Variants in RBMS1 observed in about 807,000 individuals in gnomAD.
RBMS1 encodes RNA binding motif single stranded interacting protein 1.
Under a neutral mutation model 62.3 loss-of-function variants are expected in RBMS1, and 17 were observed. That is an observed-to-expected ratio of 0.27 (90% CI 0.19 to 0.41). RBMS1 has a LOEUF of 0.41. Ranked by LOEUF, RBMS1 falls within the 10% of genes least tolerant of loss-of-function variation. RBMS1 has a pLI of 1.00. For synonymous variants in RBMS1, 172 were observed against 170.0 expected (o/e 1.01, Z -0.09); for missense variants, 334 against 504.5 (o/e 0.66, Z 3.24).
At chr2:160,283,867 A>ACTG (rs1553500562) in intron 9 of RBMS1, 1 of 152,216 alleles carries the variant, frequency 6.6e-6, no homozygotes, top group Non-Finnish European at 1.5e-5. Flanking sequence ...AGATGAGGAA[A>ACTG]CTGAGGCTTA....
At chr2:160,468,612 T>C (rs554821526) in intron 1 of RBMS1, among the ~76,000 whole-genome samples, 3 of 152,326 alleles carry the variant, frequency 2.0e-5, no homozygotes, top group Admixed American at 6.5e-5. Context: ...GTACAGTATG[T>C]GGGACAGGTA....
In RBMS1 at chr2:160,274,519, G is replaced by GT. The variant is rs1559299128; in HGVS notation, c.*252dup. 3.1e-5 allele frequency: 3 copies of GT among 96,372 alleles called. No individual in the cohort carries two copies. Among genetic ancestry groups the GT allele is most frequent in the Non-Finnish European group, 4.4e-5 (2 of 45,390 alleles). 6.0% of individuals were successfully genotyped at this position (96,372 alleles called of 1,614,324 possible). Reference sequence around the variant, plus strand: ...CATTTGATAAAAATCTTTTGTTTTTGTTTTTTGTTTTTTTTTTTTTACTAA... The same window carrying GT: ...CATTTGATAAAAATCTTTTGTTTTTGTTTTTTTGTTTTTTTTTTTTTACTAA... On this transcript the variant is annotated 3_prime_UTR_variant, in exon 14 of 14. Coordinates refer to ENST00000348849, the MANE Select transcript of RBMS1 (RefSeq NM_016836.4).
At chr2:160,407,023 G>A (rs1259887714) in intron 1 of RBMS1, among the ~76,000 whole-genome samples, 2 of 149,546 alleles carry the variant, frequency 1.3e-5, no homozygotes, top group Non-Finnish European at 3.0e-5. Context: ...GACACACACA[G>A]AGACACAGAC....
At chr2:160,323,821 A>C (rs1573859470) in intron 2 of RBMS1, among the ~76,000 whole-genome samples, 1 of 152,274 alleles carries the variant, frequency 6.6e-6, no homozygotes, top group Admixed American at 6.5e-5. Context: ...TCAAAGGGAG[A>C]GGATAACAGG....
intron 6 of RBMS1, among the ~76,000 whole-genome samples, chr2:160,295,548 T>C (rs1197271229): frequency 6.6e-6 from 1 of 152,232 alleles, no homozygotes; most frequent in African/African-American, 2.4e-5. Context: ...GCTCCATTTG[T>C]AACTTGGCAC....
intron 6 of RBMS1, among the ~76,000 whole-genome samples, chr2:160,288,080 G>A (rs1328167063): frequency 2.0e-5 from 3 of 150,728 alleles, no homozygotes; most frequent in African/African-American, 7.3e-5. Context: ...GCACAATAGG[G>A]CACCAGTAAC....
chr2:160,379,585 T>C (rs1395750323), intron 1 of RBMS1, among the ~76,000 whole-genome samples: 1 of 152,244 alleles, frequency 6.6e-6, no homozygotes, highest in Non-Finnish European at 1.5e-5. Context: ...AACGTCATTC[T>C]GTGGTAAGCA....
intron 2 of RBMS1, among the ~76,000 whole-genome samples, chr2:160,350,967 C>T (rs915185455): frequency 3.3e-5 from 5 of 152,082 alleles, no homozygotes; most frequent in Non-Finnish European, 5.9e-5. Flanking sequence ...TACAGTCCCA[C>T]CAACAGTGTA....
chr2:160,337,398 T>C (rs1257479641), intron 2 of RBMS1, among the ~76,000 whole-genome samples: 1 of 152,154 alleles, frequency 6.6e-6, no homozygotes, highest in Non-Finnish European at 1.5e-5. Flanking sequence ...CCTCCCAAAG[T>C]GCTGGGATTA....
chr2:160,375,459 A>G (rs981603753), intron 1 of RBMS1, among the ~76,000 whole-genome samples: 7 of 152,252 alleles, frequency 4.6e-5, no homozygotes, highest in Non-Finnish European at 1.0e-4. Flanking sequence ...TCCTGAAACC[A>G]GAGTATCCTT....
intron 1 of RBMS1, among the ~76,000 whole-genome samples, chr2:160,398,591 G>T (rs1345309557): frequency 2.0e-5 from 3 of 152,106 alleles, no homozygotes; most frequent in Non-Finnish European, 2.9e-5. Context: ...GACACTGCAG[G>T]ATATTAAGTA....
chr2:160,401,310 G>C (rs757812496), intron 1 of RBMS1, among the ~76,000 whole-genome samples: 1 of 152,186 alleles, frequency 6.6e-6, no homozygotes, highest in Non-Finnish European at 1.5e-5. Context: ...TTAGGGTACT[G>C]TTCTGTGTAA....
At chr2:160,410,115 A>G (rs893212882) in intron 1 of RBMS1, among the ~76,000 whole-genome samples, 6 of 148,208 alleles carry the variant, frequency 4.0e-5, no homozygotes, top group South Asian at 2.2e-4. Context: ...CCAGCTACTC[A>G]GGAGGCTGAG....
At chr2:160,440,660 T>C (rs575686300) in intron 1 of RBMS1, among the ~76,000 whole-genome samples, 1 of 152,316 alleles carries the variant, frequency 6.6e-6, no homozygotes, top group African/African-American at 2.4e-5. Flanking sequence ...GTACTTTCCA[T>C]TTCCATTTCC....
chr2:160,443,935 A>C (rs1683528882), intron 1 of RBMS1, among the ~76,000 whole-genome samples: 1 of 152,170 alleles, frequency 6.6e-6, no homozygotes, highest in African/African-American at 2.4e-5. Context: ...CAGAAACTCT[A>C]CTTGTAGAGT....
intron 1 of RBMS1, among the ~76,000 whole-genome samples, chr2:160,452,653 A>C (rs1194995225): frequency 2.6e-5 from 4 of 152,246 alleles, no homozygotes; most frequent in Non-Finnish European, 5.9e-5. Flanking sequence ...AGGTCAGTGC[A>C]ACAGGCTTAG....
At chr2:160,457,499 C>T (rs946237248) in intron 1 of RBMS1, among the ~76,000 whole-genome samples, 1 of 152,204 alleles carries the variant, frequency 6.6e-6, no homozygotes, top group Admixed American at 6.5e-5. Context: ...TGAACATGGT[C>T]TTTCTGATTC....
intron 2 of RBMS1, among the ~76,000 whole-genome samples, chr2:160,335,196 T>C (rs1220414729): frequency 6.6e-6 from 1 of 152,084 alleles, no homozygotes; most frequent in Non-Finnish European, 1.5e-5. Context: ...GCATAAAACA[T>C]CATTTAGGGG....
At chr2:160,478,136 A>G (rs1316863167) in intron 1 of RBMS1, among the ~76,000 whole-genome samples, 1 of 152,362 alleles carries the variant, frequency 6.6e-6, no homozygotes, top group East Asian at 1.9e-4. Context: ...CTCCTTGACT[A>G]TGACACTTGT....
Sources: gnomAD v4.1 joint callset for allele counts (sites outside exome capture counted in the v4.1 genomes callset) on GRCh38, gnomAD v4.1.1 for gene constraint, MANE v1.5 for transcripts, NCBI Gene and HGNC (gene_info 2026-07-23, HGNC 2026-07-21) for gene names.